WRN: variants seen among roughly 807,000 people sequenced by gnomAD.
WRN encodes the protein WRN RecQ like helicase.
In WRN, 149 loss-of-function variants were observed where a neutral mutation model predicts 180.7. The observed-to-expected ratio is 0.82, with a 90% CI of 0.72 to 0.94. The LOEUF is 0.94. Among genes scored for constraint, WRN ranks in the 40% least tolerant of loss-of-function variants. WRN has a pLI of 0.00. For missense variants in WRN, 1,661 were observed against 1,700.1 expected (o/e 0.98, Z 0.40); for synonymous variants, 548 against 568.9 (o/e 0.96, Z 0.52).
chr8:31,076,298 AC>A lies in WRN; in HGVS notation c.839+13del, dbSNP rs771545259. The A allele has an allele frequency of 2.6e-6, 4 of 1,556,614 alleles. No homozygotes were observed. In the African/African-American group the frequency reaches 4.1e-5, roughly 16 times the overall value. ...GGAAAACCCACGGAGGTTAAATATT[AC>A]CTTTTTTTTTTTTAACTTAAATCAA... On this transcript the variant is annotated intron_variant, in intron 8 of 34. Coordinates refer to ENST00000298139, the MANE Select transcript of WRN (RefSeq NM_000553.6).
intron 19 of WRN, among the ~76,000 whole-genome samples, chr8:31,112,410 G>A (rs147221807): frequency 7.9e-5 from 12 of 152,148 alleles, no homozygotes; most frequent in African/African-American, 2.4e-4. Flanking sequence ...TATTGTAGGC[G>A]CTTTCTATAT....
At position 31,132,502 on chromosome 8, in the gene WRN, G is replaced by T. The variant is rs1554530947; in HGVS notation, c.2963G>T (p.Gly988Val). Residue 988 changes from glycine to valine, a missense_variant, in exon 24 of 35, where the codon GGA becomes GTA. Coordinates refer to ENST00000298139, the MANE Select transcript of WRN (RefSeq NM_000553.6). ...GGGCTTCCAATTTTATTTCTCCGAG[G>T]ATCTGTAAGTATATATCTGTGAATT... is the stretch of plus-strand genomic sequence containing the variant. The part of the protein sequence containing the change: ...GIGLPILFLR[G>V]SNSQRLADQY... 1.2e-6 allele frequency: 2 copies of T among 1,614,086 alleles called. No individual in the cohort carries two copies. The highest frequency in any genetic ancestry group is 1.7e-6 in the Non-Finnish European group (2 of 1,180,004).
At chr8:31,076,373 C>T in intron 8 of WRN, 86 bp downstream of exon 8, 1 of 1,147,618 alleles carries the variant, frequency 8.7e-7, no homozygotes, top group Non-Finnish European at 1.3e-6. Flanking sequence ...GAATACTATT[C>T]ATTAAGGCTG....
intron 24 of WRN, 50 bp downstream of exon 24, chr8:31,132,556 TAC>T (rs765980281): frequency 6.2e-7 from 1 of 1,612,288 alleles, no homozygotes; most frequent in Non-Finnish European, 8.5e-7. Flanking sequence ...TTACTTCTAT[TAC>T]ACTTTTCTTC....
intron 1 of WRN, among the ~76,000 whole-genome samples, chr8:31,043,025 C>T (rs1321315133): frequency 6.6e-6 from 1 of 152,232 alleles, no homozygotes; most frequent in Non-Finnish European, 1.5e-5. Flanking sequence ...ACCATTCAAA[C>T]TGACTTCAGC....
At chr8:31,049,640 G>A (rs914364461) in intron 1 of WRN, among the ~76,000 whole-genome samples, 2 of 152,046 alleles carry the variant, frequency 1.3e-5, no homozygotes, top group Non-Finnish European at 1.5e-5. Context: ...TAATTTGAAA[G>A]AATATTCTAC....
At position 31,135,471 on chromosome 8, in the gene WRN, C is replaced by T. The variant is rs371612632; in HGVS notation, c.2967+2965C>T. 1.8e-4 allele frequency among the ~76,000 whole-genome samples: 27 copies of T among 152,156 alleles called. No individual in the cohort carries two copies. The East Asian group carries it at 3.5e-3, about 20-fold the overall frequency. ...GGATTCAAAGCTAAATTAGATGAGA[C>T]GCATCATCTATTATGGAAGATGTTA... On this transcript the variant is annotated intron_variant, in intron 24 of 34. Transcript: ENST00000298139.
chr8:31,154,276 T>C (rs181359105), intron 31 of WRN, among the ~76,000 whole-genome samples: 4 of 152,210 alleles, frequency 2.6e-5, no homozygotes, highest in Non-Finnish European at 5.9e-5. Flanking sequence ...ATTCATTCAT[T>C]CATTCATTCA....
intron 24 of WRN, among the ~76,000 whole-genome samples, chr8:31,139,141 C>G (rs1041764952): frequency 6.6e-6 from 1 of 152,122 alleles, no homozygotes; most frequent in Non-Finnish European, 1.5e-5. Flanking sequence ...AAAAGGTAAA[C>G]CTGTAATCAT....
chr8:31,118,973 C>T (rs1311687352), intron 20 of WRN, among the ~76,000 whole-genome samples: 1 of 151,952 alleles, frequency 6.6e-6, no homozygotes, highest in Non-Finnish European at 1.5e-5. Context: ...ATAGGTTGAT[C>T]TCACCTAAAA....
chr8:31,135,231 A>T (rs1034526553), intron 24 of WRN, among the ~76,000 whole-genome samples: 2 of 151,464 alleles, frequency 1.3e-5, no homozygotes, highest in Non-Finnish European at 2.9e-5. Context: ...TTATTTTTTA[A>T]TTTTTTTGTA....
At chr8:31,105,075 A>C (rs1389639681) in intron 18 of WRN, among the ~76,000 whole-genome samples, 1 of 142,288 alleles carries the variant, frequency 7.0e-6, no homozygotes, top group East Asian at 2.1e-4. Context: ...AGCTTATCTC[A>C]CAGAGTTTGG....
At chr8:31,090,197 G>A (rs982361876) in intron 13 of WRN, among the ~76,000 whole-genome samples, 3 of 150,028 alleles carry the variant, frequency 2.0e-5, no homozygotes, top group South Asian at 2.1e-4. Context: ...GATTCTTTTG[G>A]ATATCTAGTA....
At chr8:31,116,648 C>A in intron 20 of WRN, 120 bp downstream of exon 20, 1 of 1,383,220 alleles carries the variant, frequency 7.2e-7, no homozygotes. Context: ...AGCAGTCCCT[C>A]TGATAAATGT....
intron 3 of WRN, among the ~76,000 whole-genome samples, chr8:31,059,783 G>A (rs531507143): frequency 2.6e-5 from 4 of 152,264 alleles, no homozygotes; most frequent in African/African-American, 7.2e-5. Flanking sequence ...GAGGCCAGGC[G>A]CGGTGGCTCA....
Position 31,090,941 on chromosome 8 carries a change from A to G in WRN, c.1828A>G (p.Lys610Glu). ...SLMEDQVLQL[K>E]MSNIPACFLG... is the part of the protein sequence containing the mutation. Reference sequence around the variant, plus strand: ...GATGGAAGACCAAGTGCTACAGCTTAAGTAAGTCATGTTATCATTGCCACA... The same window carrying G: ...GATGGAAGACCAAGTGCTACAGCTTGAGTAAGTCATGTTATCATTGCCACA... The change falls in exon 15 of 35, where the codon AAA (lysine) becomes GAA (glutamate). Residue 610 changes from lysine (K) to glutamate (E), a missense_variant and splice_region_variant. Physicochemically the swap from Lys to Glu is moderately conservative, Grantham distance 56. Transcript: ENST00000298139. The G allele has an allele frequency of 6.2e-7, 1 of 1,608,524 alleles. No individual in the cohort carries two copies. The highest frequency in any genetic ancestry group is 8.5e-7 in the Non-Finnish European group (1 of 1,175,286).
At position 31,033,966 on chromosome 8, in the gene WRN, T is replaced by C. The variant is rs188087758; in HGVS notation, c.-84T>C. ...TGAAGAAGACCTGTTGGACTGGATC[T>C]TCTCGGGGTAAAGTGTCTTCCTATT... On this transcript the variant is annotated 5_prime_UTR_variant, in exon 1 of 35. Transcript: ENST00000298139. 4.6e-5 allele frequency: 7 copies of C among 152,454 alleles called. No individual in the cohort carries two copies. The highest frequency in any genetic ancestry group is 8.8e-5 in the Non-Finnish European group (6 of 68,126). The allele number at this position is 152,454 out of a possible 1,614,324, so 9.4% of individuals were successfully genotyped here.
intron 17 of WRN, among the ~76,000 whole-genome samples, chr8:31,097,462 T>C (rs1377479790): frequency 1.3e-5 from 2 of 152,322 alleles, no homozygotes; most frequent in East Asian, 3.9e-4. Flanking sequence ...TTGCCACTAG[T>C]GAGTATGATT....
intron 34 of WRN, among the ~76,000 whole-genome samples, chr8:31,170,702 T>C (rs1804068082): frequency 6.6e-6 from 1 of 152,164 alleles, no homozygotes; most frequent in Non-Finnish European, 1.5e-5. Flanking sequence ...CCTTAAAATT[T>C]TGTTGCTGGG....
Sources: allele counts gnomAD v4.1 joint callset (sites outside exome capture counted in the v4.1 genomes callset), GRCh38; gene constraint gnomAD v4.1.1; transcripts MANE v1.5; gene names NCBI Gene and HGNC (gene_info 2026-07-23, HGNC 2026-07-21).